SNX30: variants seen among roughly 807,000 people sequenced by gnomAD.
SNX30 encodes sorting nexin family member 30, also known as sorting nexin-30.
SNX30 carries 24 observed loss-of-function variants against 46.4 expected under a neutral mutation model. The ratio of observed to expected loss-of-function variants is 0.52; its 90% CI spans 0.37 to 0.73. The LOEUF (loss-of-function observed/expected upper bound fraction) is 0.73. Among genes scored for constraint, SNX30 ranks in the 30% least tolerant of loss-of-function variants. The pLI is 0.00. For synonymous variants in SNX30, 189 were observed against 211.5 expected (o/e 0.89, Z 0.92); for missense variants, 533 against 555.7 (o/e 0.96, Z 0.41).
intron 7 of SNX30, among the ~76,000 whole-genome samples, chr9:112,854,359 C>T (rs1023153237): frequency 6.6e-6 from 1 of 152,226 alleles, no homozygotes; most frequent in African/African-American, 2.4e-5. Flanking sequence ...AAATCTTTGG[C>T]TGCTGCTGTT....
intron 7 of SNX30, among the ~76,000 whole-genome samples, chr9:112,859,257 C>G (rs1418198878): frequency 6.6e-6 from 1 of 152,114 alleles, no homozygotes; most frequent in African/African-American, 2.4e-5. Context: ...TTAGAATTCC[C>G]TTCCTTTTTG....
chr9:112,787,884 C>T (rs149239119), intron 1 of SNX30, among the ~76,000 whole-genome samples: 1 of 151,972 alleles, frequency 6.6e-6, no homozygotes, highest in East Asian at 1.9e-4. Context: ...GCAACCTCTG[C>T]CTCCCGGGTT....
intron 1 of SNX30, among the ~76,000 whole-genome samples, chr9:112,775,176 A>C: frequency 8.2e-6 from 1 of 121,448 alleles, no homozygotes; most frequent in Non-Finnish European, 1.7e-5. Context: ...TTTTTTTGAG[A>C]CGGAGTTTTA....
At chr9:112,849,123 T>C (rs1054512298) in intron 6 of SNX30, among the ~76,000 whole-genome samples, 1 of 152,160 alleles carries the variant, frequency 6.6e-6, no homozygotes, top group African/African-American at 2.4e-5. Context: ...GTGATAAGCA[T>C]CCCACATGGC....
chr9:112,804,649 G>A, intron 1 of SNX30, 127 bp from the exon 2 acceptor site: 1 of 719,458 alleles, frequency 1.4e-6, no homozygotes, highest in Non-Finnish European at 2.3e-6. Flanking sequence ...GTAGGGAGAG[G>A]CTCAGGTGTT....
intron 2 of SNX30, among the ~76,000 whole-genome samples, chr9:112,812,127 C>T (rs780165037): frequency 3.3e-5 from 5 of 152,080 alleles, no homozygotes; most frequent in Non-Finnish European, 7.4e-5. Context: ...TTTTTTCTTT[C>T]CTTTTCACCT....
chr9:112,866,278 T>G (rs1841342122), intron 8 of SNX30, among the ~76,000 whole-genome samples: 1 of 151,264 alleles, frequency 6.6e-6, no homozygotes. Context: ...AGACTAAGGG[T>G]GGGAGGGGCA....
At chr9:112,883,897 A>G (rs1183265779), downstream of SNX30, among the ~76,000 whole-genome samples, 3 of 152,026 alleles carry the variant, frequency 2.0e-5, no homozygotes, top group Non-Finnish European at 4.4e-5. Flanking sequence ...TGGTTTCACT[A>G]TGTTGGCCAG....
intron 7 of SNX30, 54 bp downstream of exon 7, chr9:112,850,999 TAAGTA>T: frequency 7.1e-7 from 1 of 1,405,076 alleles, no homozygotes; most frequent in East Asian, 2.3e-5. Context: ...CTGCTGGTGC[TAAGTA>T]AATTCTCATC....
In SNX30 at chr9:112,830,931, G is replaced by A. The variant is rs185170471; in HGVS notation, c.618+48G>A. The A allele has an allele frequency of 1.3e-3, 2,060 of 1,536,668 alleles. 31 individuals carry two copies. The highest frequency in any genetic ancestry group is 3.2e-3 in the South Asian group (253 of 78,796). On this transcript the variant is annotated intron_variant, in intron 4 of 8. Coordinates refer to ENST00000374232, the MANE Select transcript of SNX30 (RefSeq NM_001012994.2). ...TCTTCGTCCATATTACCATTCTTGG[G>A]GCTCTTTCCTAAAAGCTGTTTTGAG...
At chr9:112,837,070 T>A (rs1015753058) in intron 5 of SNX30, among the ~76,000 whole-genome samples, 2 of 152,212 alleles carry the variant, frequency 1.3e-5, no homozygotes, top group African/African-American at 4.8e-5. Flanking sequence ...CGCACTGGCA[T>A]GGGAAGCACG....
chr9:112,782,258 G>A (rs765031272), intron 1 of SNX30, among the ~76,000 whole-genome samples: 1 of 152,034 alleles, frequency 6.6e-6, no homozygotes, highest in East Asian at 1.9e-4. Context: ...TAGAGATGGG[G>A]TTTCACCATG....
rs199600863 is a variant in SNX30, at chr9:112,775,542, T to TTGTGTGTGTGTGTGTGTG, written c.156+24413_156+24430dup. ...GTGGCTTGTCCTTTTTATTTTAAAT[T>TTGTGTGTGTGTGTGTGTG]TGTGTGTGTGTGTGTGTGTGTGTGT... On this transcript the variant is annotated intron_variant, in intron 1 of 8. Coordinates refer to ENST00000374232, the MANE Select transcript of SNX30 (RefSeq NM_001012994.2). Among the ~76,000 whole-genome samples, 296 of 131,398 alleles carry TTGTGTGTGTGTGTGTGTG rather than the reference T, an allele frequency of 2.3e-3. 3 individuals are homozygous for TTGTGTGTGTGTGTGTGTG. Among genetic ancestry groups the TTGTGTGTGTGTGTGTGTG allele is most frequent in the South Asian group, 0.011 (40 of 3,690 alleles). 86.2% of individuals were successfully genotyped at this position (131,398 alleles called of 152,430 possible).
chr9:112,857,432 G>A (rs1188985908), intron 7 of SNX30, among the ~76,000 whole-genome samples: 1 of 152,080 alleles, frequency 6.6e-6, no homozygotes, highest in Non-Finnish European at 1.5e-5. Context: ...TGACCAGCCT[G>A]GGGGCTCTGG....
chr9:112,768,680 C>T (rs934753040), intron 1 of SNX30, among the ~76,000 whole-genome samples: 2 of 81,062 alleles, frequency 2.5e-5, no homozygotes, highest in East Asian at 3.9e-4. Context: ...TTTTTTGAGA[C>T]GGTCTTGCTC....
Position 112,830,750 on chromosome 9 carries a change from A to G in SNX30, c.485A>G (p.Lys162Arg), listed in dbSNP as rs772658528. Reference protein sequence around the residue: ...IPPLPEKFVVKGVVDRFSEEF... With the variant: ...IPPLPEKFVVRGVVDRFSEEF... ...CCTCTTCCCGAGAAGTTTGTGGTAA[A>G]AGGTGTTGTGGATCGTTTTTCAGAA... is the stretch of plus-strand genomic sequence containing the variant. Residue 162 changes from lysine (K) to arginine (R), a missense_variant, in exon 4 of 9, where the codon AAA becomes AGA. Lys to Arg is a conservative substitution (Grantham distance 26). Coordinates refer to ENST00000374232, the MANE Select transcript of SNX30 (RefSeq NM_001012994.2). The G allele has an allele frequency of 4.3e-6, 7 of 1,611,672 alleles. No homozygotes were observed. The highest frequency in any genetic ancestry group is 5.1e-6 in the Non-Finnish European group (6 of 1,179,462).
chr9:112,879,917 T>G, downstream of SNX30: 3 of 1,172,846 alleles, frequency 2.6e-6, no homozygotes, highest in South Asian at 3.9e-5. Context: ...AAGCCAGGCT[T>G]TAGGCAAAAT....
At chr9:112,812,456 A>G (rs1397058991) in intron 2 of SNX30, among the ~76,000 whole-genome samples, 1 of 152,114 alleles carries the variant, frequency 6.6e-6, no homozygotes, top group Non-Finnish European at 1.5e-5. Context: ...GGGTTTCACC[A>G]TGTTGGCCAG....
intron 1 of SNX30, among the ~76,000 whole-genome samples, chr9:112,793,526 T>C (rs1366735757): frequency 3.3e-5 from 5 of 152,208 alleles, no homozygotes; most frequent in African/African-American, 1.2e-4. Context: ...AAACCTTCCA[T>C]GTCCTCTACT....
Sources: allele counts gnomAD v4.1 joint callset (sites outside exome capture counted in the v4.1 genomes callset), GRCh38; gene constraint gnomAD v4.1.1; transcripts MANE v1.5; gene names NCBI Gene and HGNC (gene_info 2026-07-23, HGNC 2026-07-21).